WDFY2: variants seen among roughly 807,000 people sequenced by gnomAD.
The protein encoded by WDFY2 is WD repeat and FYVE domain containing 2.
In WDFY2, 36 loss-of-function variants were observed where a neutral mutation model predicts 56.4. The observed-to-expected ratio is 0.64, with a 90% confidence interval of 0.49 to 0.84. The LOEUF is 0.84. Among genes scored for constraint, WDFY2 ranks in the 40% least tolerant of loss-of-function variants. WDFY2 has a pLI of 0.00. For missense variants in WDFY2, 444 were observed against 512.2 expected, an observed-to-expected ratio of 0.87 and a Z score of 1.29; for synonymous variants, 176 against 183.7, an observed-to-expected ratio of 0.96 and a Z score of 0.34.
Position 51,584,830 on chromosome 13 carries a change from G to C in WDFY2, c.137+6G>C. The C allele has an allele frequency of 6.2e-7, 1 of 1,613,432 alleles. No homozygotes were observed. The highest frequency in any genetic ancestry group is 1.1e-5 in the South Asian group (1 of 91,002). ...ATCAGCGTCTCCGAGGACAGGTATG[G>C]ACTACTGCCATTCGGCCGCGAGGAG... On this transcript the variant is annotated splice_donor_region_variant and intron_variant, in intron 1 of 11. Coordinates refer to ENST00000298125, the MANE Select transcript of WDFY2 (RefSeq NM_052950.4).
In WDFY2 at chr13:51,702,170, C is replaced by T. The variant is rs140353285; in HGVS notation, c.280-1426C>T. ...CTACTAAAAATACCAAAATTAGCTG[C>T]ACATGGTGGCATGCACCTATAATCC... On this transcript the variant is annotated intron_variant, in intron 3 of 11. Transcript: ENST00000298125. Among the ~76,000 whole-genome samples, 1,161 of 151,944 alleles carry T rather than the reference C, an allele frequency of 7.6e-3. 13 individuals are homozygous for T. The highest frequency in any genetic ancestry group is 0.026 in the African/African-American group (1,090 of 41,462).
At chr13:51,653,832 C>T (rs1352493803) in intron 1 of WDFY2, among the ~76,000 whole-genome samples, 1 of 139,156 alleles carries the variant, frequency 7.2e-6, no homozygotes, top group African/African-American at 2.7e-5. Flanking sequence ...GGGTGCCTCC[C>T]AGTTAGGCTA....
intron 1 of WDFY2, among the ~76,000 whole-genome samples, chr13:51,627,615 G>T (rs964797804): frequency 6.6e-6 from 1 of 151,922 alleles, no homozygotes; most frequent in African/African-American, 2.4e-5. Context: ...AACTCCTGAC[G>T]TCAGGTGGTC....
intron 1 of WDFY2, among the ~76,000 whole-genome samples, chr13:51,653,399 A>G (rs773266370): frequency 1.4e-4 from 21 of 151,802 alleles, no homozygotes; most frequent in Non-Finnish European, 2.8e-4. Flanking sequence ...CCTTCTCTCA[A>G]CTCGTCAAAG....
intron 1 of WDFY2, among the ~76,000 whole-genome samples, chr13:51,631,511 A>G (rs922929420): frequency 1.3e-5 from 2 of 152,188 alleles, no homozygotes; most frequent in South Asian, 2.1e-4. Flanking sequence ...GTTTATCATT[A>G]GAACAGTATC....
At chr13:51,627,795 G>A (rs1478993810) in intron 1 of WDFY2, among the ~76,000 whole-genome samples, 1 of 152,218 alleles carries the variant, frequency 6.6e-6, no homozygotes, top group African/African-American at 2.4e-5. Context: ...GGAGCCTGCA[G>A]TAGGTGGCTC....
intron 2 of WDFY2, among the ~76,000 whole-genome samples, chr13:51,668,340 T>C (rs927934682): frequency 2.0e-5 from 3 of 152,220 alleles, no homozygotes; most frequent in African/African-American, 7.2e-5. Context: ...ATCACTTTAG[T>C]GTAACTTAAA....
At chr13:51,603,502 C>G (rs1253855099) in intron 1 of WDFY2, among the ~76,000 whole-genome samples, 1 of 152,186 alleles carries the variant, frequency 6.6e-6, no homozygotes, top group Non-Finnish European at 1.5e-5. Context: ...CTGTATACAT[C>G]AACCTGGCCA....
chr13:51,630,797 A>T, intron 1 of WDFY2, among the ~76,000 whole-genome samples: 1 of 144,086 alleles, frequency 6.9e-6, no homozygotes, highest in African/African-American at 2.6e-5. Context: ...CTTTTTTGAG[A>T]CAGAGTTTTT....
intron 6 of WDFY2, among the ~76,000 whole-genome samples, chr13:51,732,128 G>T (rs939841201): frequency 1.3e-5 from 2 of 152,056 alleles, no homozygotes; most frequent in African/African-American, 2.4e-5. Context: ...GAACAGAGGA[G>T]AATTTTTTTT....
At chr13:51,713,126 TA>T (rs1194271969) in intron 4 of WDFY2, among the ~76,000 whole-genome samples, 1 of 152,180 alleles carries the variant, frequency 6.6e-6, no homozygotes, top group African/African-American at 2.4e-5. Flanking sequence ...CCCATTCTAT[TA>T]GATCAACATT....
chr13:51,597,018 A>T (rs143016331), intron 1 of WDFY2, among the ~76,000 whole-genome samples: 1 of 152,150 alleles, frequency 6.6e-6, no homozygotes, highest in Non-Finnish European at 1.5e-5. Flanking sequence ...CTCTGGGGGC[A>T]TGTGTGGGCT....
chr13:51,626,591 T>C (rs942960820), intron 1 of WDFY2, among the ~76,000 whole-genome samples: 7 of 152,192 alleles, frequency 4.6e-5, no homozygotes, highest in African/African-American at 1.7e-4. Flanking sequence ...AATTAACAAG[T>C]TGTGTGATTA....
At chr13:51,635,172 GAC>G (rs1566328487) in intron 1 of WDFY2, among the ~76,000 whole-genome samples, 2 of 152,014 alleles carry the variant, frequency 1.3e-5, no homozygotes, top group African/African-American at 2.4e-5. Context: ...TTGAGCTCCC[GAC>G]CTTCAGTGAT....
Position 51,758,311 on chromosome 13 carries a change from A to T in WDFY2, c.1173+11A>T, listed in dbSNP as rs765025291. The stretch of plus-strand genomic sequence containing the variant: ...GACAAGGTTATTAAGGTAAGATGCC[A>T]TCTTATTAAGAAGCTTTCCATCTTT... On this transcript the variant is annotated intron_variant, in intron 11 of 11. Coordinates refer to ENST00000298125, the MANE Select transcript of WDFY2 (RefSeq NM_052950.4). 3 of 1,564,720 alleles carry T rather than the reference A, an allele frequency of 1.9e-6. No homozygotes were observed. Among genetic ancestry groups the T allele is most frequent in the Non-Finnish European group, 1.8e-6 (2 of 1,140,816 alleles).
intron 1 of WDFY2, among the ~76,000 whole-genome samples, chr13:51,595,029 T>C (rs564537469): frequency 9.8e-5 from 15 of 152,316 alleles, no homozygotes; most frequent in African/African-American, 3.6e-4. Flanking sequence ...TTCTCTATTA[T>C]AGAAGGGCGA....
At chr13:51,716,858 C>A (rs1239219060) in intron 4 of WDFY2, among the ~76,000 whole-genome samples, 4 of 150,836 alleles carry the variant, frequency 2.7e-5, no homozygotes, top group Non-Finnish European at 5.9e-5. Flanking sequence ...GGGATTTATT[C>A]CAGATAGGCA....
intron 3 of WDFY2, among the ~76,000 whole-genome samples, chr13:51,693,868 T>C (rs1951802965): frequency 6.6e-6 from 1 of 152,176 alleles, no homozygotes; most frequent in Non-Finnish European, 1.5e-5. Flanking sequence ...TGGGTACTCC[T>C]GTATTGGGTG....
intron 1 of WDFY2, among the ~76,000 whole-genome samples, chr13:51,643,209 C>T (rs553207917): frequency 9.9e-5 from 15 of 152,252 alleles, no homozygotes; most frequent in South Asian, 2.1e-4. Flanking sequence ...TCATCCCAAG[C>T]GGAAATTCTG....
Sources: gnomAD v4.1 joint callset for allele counts (sites outside exome capture counted in the v4.1 genomes callset) on GRCh38, gnomAD v4.1.1 for gene constraint, MANE v1.5 for transcripts, NCBI Gene and HGNC (gene_info 2026-07-23, HGNC 2026-07-21) for gene names.